DMTN: variants seen among roughly 807,000 people sequenced by gnomAD.
The protein encoded by DMTN is dematin actin binding protein, also known as dematin.
A neutral mutation model predicts 59.4 loss-of-function variants in DMTN; 27 were observed. The ratio of observed to expected loss-of-function variants is 0.45; its 90% CI spans 0.33 to 0.63. The LOEUF (loss-of-function observed/expected upper bound fraction) is 0.63. Ranked by LOEUF, DMTN falls within the 20% of genes least tolerant of loss-of-function variation. The pLI is 0.02. For missense variants in DMTN, 451 were observed against 528.9 expected (o/e 0.85, Z 1.45); for synonymous variants, 221 against 203.7 (o/e 1.08, Z -0.72).
rs911609992 is a variant in DMTN at position 22,069,609 on chromosome 8, G to A, written c.394+91G>A. 6 of 1,166,068 alleles carry A rather than the reference G, an allele frequency of 5.1e-6. No individual in the cohort carries two copies. The African/African-American group carries it at 7.7e-5, about 15-fold the overall frequency. 72.2% of individuals were successfully genotyped at this position (1,166,068 alleles called of 1,614,324 possible). On this transcript the variant is annotated intron_variant, in intron 6 of 15. Coordinates refer to ENST00000358242, the MANE Select transcript of DMTN (RefSeq NM_001387751.1). ...TACGCTCAGTCCCCCACTCTCTGGG[G>A]TATATGCTCGCCTCAGGGCTAAGTA...
At chr8:22,061,538 A>G (rs1806476288) in intron 1 of DMTN, among the ~76,000 whole-genome samples, 1 of 152,004 alleles carries the variant, frequency 6.6e-6, no homozygotes, top group Admixed American at 6.6e-5. Flanking sequence ...CTGAGTAGCC[A>G]CCACTCTGAC....
At position 22,070,183 on chromosome 8, in the gene DMTN, G is replaced by A; in HGVS notation, c.453G>A (p.Glu151=). The change falls in exon 8 of 16, where the codon GAG becomes GAA. Residue 151 remains glutamate, a splice_region_variant and synonymous_variant. Coordinates refer to ENST00000358242, the MANE Select transcript of DMTN (RefSeq NM_001387751.1). The stretch of plus-strand genomic sequence containing the variant: ...GCTGACCCTGGCCTTTGTCTGCAGA[G>A]TCCGTGGGAGGCAGCCCTCAGACCA... ...YKKPPIYKQR[E]SVGGSPQTKH... The A allele has an allele frequency of 6.3e-7, 1 of 1,586,660 alleles. No individual in the cohort carries two copies. The highest frequency in any genetic ancestry group is 8.6e-7 in the Non-Finnish European group (1 of 1,164,954).
intron 4 of DMTN, among the ~76,000 whole-genome samples, chr8:22,068,552 G>A (rs1193106361): frequency 2.6e-5 from 4 of 152,026 alleles, no homozygotes; most frequent in African/African-American, 7.2e-5. Context: ...GGGCAACAGA[G>A]TGAGACTATA....
Position 22,081,100 on chromosome 8 carries a change from C to G in DMTN, c.1024-13C>G. 1.4e-6 allele frequency: 1 copy of G among 704,314 alleles called. No homozygotes were observed. The highest frequency in any genetic ancestry group is 2.0e-5 in the Admixed American group (1 of 51,024). 43.6% of individuals were successfully genotyped at this position (704,314 alleles called of 1,614,324 possible). ...TTCTGTGAGCCTAAGATTGCCCCTC[C>G]CCCCACCCCCAGATCTATCCCTATG... On this transcript the variant is annotated splice_polypyrimidine_tract_variant and intron_variant, in intron 14 of 15. Transcript: ENST00000358242.
chr8:22,073,560 G>A (rs1274775142), intron 9 of DMTN, among the ~76,000 whole-genome samples, 170 bp from the exon 10 acceptor site: 1 of 149,232 alleles, frequency 6.7e-6, no homozygotes, highest in Non-Finnish European at 1.5e-5. Context: ...GAGCCCAGGA[G>A]GTCAAGGTTG....
rs563976735 is a variant in DMTN, at chr8:22,065,959, G to T, written c.-171-746G>T. Among the ~76,000 whole-genome samples the T allele has an allele frequency of 4.0e-5, 6 of 148,608 alleles. No homozygotes were observed. The East Asian group carries it at 8.4e-4, about 21-fold the overall frequency. ...GGGCTCAAGTGATCCTCTCACCTCAGCCTCCCGAGTAGCTGGGACTACAGG... is the reference window on the plus strand; with the variant it reads ...GGGCTCAAGTGATCCTCTCACCTCATCCTCCCGAGTAGCTGGGACTACAGG... On this transcript the variant is annotated intron_variant, in intron 1 of 15. Coordinates refer to ENST00000358242, the MANE Select transcript of DMTN (RefSeq NM_001387751.1).
intron 5 of DMTN, 129 bp downstream of exon 5, chr8:22,069,189 C>G: frequency 8.9e-7 from 1 of 1,125,574 alleles, no homozygotes; most frequent in East Asian, 2.6e-5. Flanking sequence ...CCCTGGCTGT[C>G]ACTGGCCAGC....
At chr8:22,065,200 A>G (rs1809567642) in intron 1 of DMTN, among the ~76,000 whole-genome samples, 1 of 152,066 alleles carries the variant, frequency 6.6e-6, no homozygotes, top group Non-Finnish European at 1.5e-5. Context: ...CATCTGGCTA[A>G]TTTTTACATT....
intron 8 of DMTN, 145 bp downstream of exon 8, chr8:22,070,479 G>A (rs1814499158): frequency 5.9e-6 from 6 of 1,019,882 alleles, no homozygotes; most frequent in African/African-American, 3.3e-5. Flanking sequence ...GGAGCCCCCA[G>A]GCTCCTTGCT....
intron 3 of DMTN, 142 bp downstream of exon 3, chr8:22,067,301 C>A (rs946367919): frequency 8.8e-7 from 1 of 1,136,764 alleles, no homozygotes; most frequent in Non-Finnish European, 1.2e-6. Context: ...CCCAGAAACC[C>A]AGAGAAGCTC....
upstream of DMTN, among the ~76,000 whole-genome samples, chr8:22,050,950 GC>G (rs1801292514): frequency 6.6e-6 from 1 of 152,216 alleles, no homozygotes; most frequent in African/African-American, 2.4e-5. Flanking sequence ...AAAGGAAGAA[GC>G]CACAAGAATA....
At chr8:22,066,472 G>A (rs1810719792) in intron 1 of DMTN, 1 of 155,014 alleles carries the variant, frequency 6.5e-6, no homozygotes, top group East Asian at 1.8e-4. Context: ...GGAGGCCTCC[G>A]CCCGGGCAGC....
rs75934390 is a variant in DMTN at position 22,072,280 on chromosome 8, C to A, written c.605-46C>A. 1.7e-3 allele frequency: 2,613 copies of A among 1,564,782 alleles called. 30 individuals are homozygous for A. The African/African-American group carries it at 0.031, about 19-fold the overall frequency. ...GCTGTGCCATGTAAACACACACTGACCCCATGGCGAGTGACTCCCTCCCCA... is the reference window on the plus strand; with the variant it reads ...GCTGTGCCATGTAAACACACACTGAACCCATGGCGAGTGACTCCCTCCCCA... On this transcript the variant is annotated intron_variant, in intron 8 of 15. Transcript: ENST00000358242.
rs766924363 is a variant in DMTN, at chr8:22,072,393, C to T, written c.672C>T (p.Asp224=). 1.8e-5 allele frequency: 28 copies of T among 1,598,994 alleles called. No homozygotes were observed. The Admixed American group carries it at 1.9e-4, about 11-fold the overall frequency. ...GAEEEEEEED[D]DSGEEMKALR... ...AGGAAGAGGAGGAGGAGGAAGATGACGACTCTGGAGAGGAGATGAAGGCTC... is the reference window on the plus strand; with the variant it reads ...AGGAAGAGGAGGAGGAGGAAGATGATGACTCTGGAGAGGAGATGAAGGCTC... The change falls in exon 9 of 16, where the codon GAC becomes GAT. Residue 224 remains aspartate, a synonymous_variant. Transcript: ENST00000358242.
intron 8 of DMTN, 113 bp from the exon 9 acceptor site, chr8:22,072,213 G>T: frequency 7.5e-7 from 1 of 1,341,804 alleles, no homozygotes; most frequent in Non-Finnish European, 9.7e-7. Context: ...AAAAAATTTT[G>T]TAGTGGCCTT....
upstream of DMTN, among the ~76,000 whole-genome samples, chr8:22,051,112 A>G (rs913401632): frequency 1.3e-5 from 2 of 152,144 alleles, no homozygotes; most frequent in Non-Finnish European, 2.9e-5. Flanking sequence ...GTGAGCATGG[A>G]GTAGCCACAG....
Position 22,082,314 on chromosome 8 carries a change from C to A in DMTN, c.*851C>A. On this transcript the variant is annotated 3_prime_UTR_variant, in exon 16 of 16. Transcript: ENST00000358242. ...CTCAAGAATGTAATTTATTGGGGCC[C>A]CCCCAGCTGCTTTCCTCACCTGCCC... is the stretch of plus-strand genomic sequence containing the variant. The A allele has an allele frequency of 2.3e-6, 1 of 443,130 alleles. No homozygotes were observed. The highest frequency in any genetic ancestry group is 1.6e-5 in the South Asian group (1 of 63,238). 27.4% of individuals were successfully genotyped at this position (443,130 alleles called of 1,614,324 possible). A position where few individuals can be genotyped will look rare whatever the true frequency, so the allele number is the denominator to read the frequency against.
chr8:22,065,231 C>T (rs1260640161), intron 1 of DMTN, among the ~76,000 whole-genome samples: 3 of 152,094 alleles, frequency 2.0e-5, no homozygotes, highest in Non-Finnish European at 4.4e-5. Context: ...ACGAGGTCTC[C>T]CTATGTTGCC....
intron 1 of DMTN, among the ~76,000 whole-genome samples, chr8:22,064,147 T>C (rs920532445): frequency 6.6e-6 from 1 of 151,372 alleles, no homozygotes; most frequent in Non-Finnish European, 1.5e-5. Context: ...GATGGATGGA[T>C]AGAAGGATGG....
Sources: gnomAD v4.1 joint callset for allele counts (sites outside exome capture counted in the v4.1 genomes callset) on GRCh38, gnomAD v4.1.1 for gene constraint, MANE v1.5 for transcripts, NCBI Gene and HGNC (gene_info 2026-07-23, HGNC 2026-07-21) for gene names.